The following ATXN1 variants were observed in gnomAD, a reference collection of about 807,000 sequenced individuals.
The protein encoded by ATXN1 is ataxin 1.
ATXN1 carries 8 observed loss-of-function variants against 56.4 expected under a neutral mutation model. The observed-to-expected ratio is 0.14, with a 90% CI of 0.08 to 0.26. The LOEUF (loss-of-function observed/expected upper bound fraction) is 0.26, where lower values mean the gene tolerates loss of function less well. ATXN1 is among the 10% of genes least tolerant of loss of function. The pLI, the probability that ATXN1 is intolerant of heterozygous loss-of-function variation, is 1.00. For missense variants in ATXN1, 987 were observed against 1,106.5 expected, an observed-to-expected ratio of 0.89 and a Z score of 1.53; for synonymous variants, 514 against 494.6, an observed-to-expected ratio of 1.04 and a Z score of -0.52.
chr6:16,425,322 C>T lies in ATXN1; in HGVS notation c.-161+60650G>A, dbSNP rs369675593. ...ACCAGGCACTTGTATTCCTCACCCA[C>T]GTGTATTACTTTAAAATGCCTTTCG... On this transcript the variant is annotated intron_variant, in intron 6 of 7. Transcript: ENST00000436367. Among the ~76,000 whole-genome samples, 7 of 152,350 alleles carry T rather than the reference C, an allele frequency of 4.6e-5. No homozygotes were observed. The East Asian group carries it at 7.7e-4, about 17-fold the overall frequency.
intron 2 of ATXN1, among the ~76,000 whole-genome samples, chr6:16,686,960 T>C (rs1581364980): frequency 1.3e-5 from 2 of 152,180 alleles, no homozygotes; most frequent in Non-Finnish European, 2.9e-5. Context: ...TTCCATCTAG[T>C]GTTTACAATG....
chr6:16,687,547 G>C (rs558225482), intron 2 of ATXN1, among the ~76,000 whole-genome samples: 1 of 151,858 alleles, frequency 6.6e-6, no homozygotes, highest in South Asian at 2.1e-4. Flanking sequence ...ATTAAACTCA[G>C]AGTTGTAGAA....
chr6:16,701,142 A>T (rs982083051), intron 2 of ATXN1, among the ~76,000 whole-genome samples: 10 of 152,212 alleles, frequency 6.6e-5, no homozygotes, highest in Non-Finnish European at 7.3e-5. Flanking sequence ...AGATGCCATT[A>T]AAAAAGTTTA....
At chr6:16,323,741 GA>G (rs1760738792) in intron 7 of ATXN1, among the ~76,000 whole-genome samples, 2 of 152,004 alleles carry the variant, frequency 1.3e-5, no homozygotes, top group Admixed American at 6.6e-5. Flanking sequence ...TAAGTACCAT[GA>G]AAAGCAATGA....
chr6:16,605,829 GCCAAGATAACGATACTGA>G (rs1762994670), intron 3 of ATXN1, among the ~76,000 whole-genome samples: 1 of 152,046 alleles, frequency 6.6e-6, no homozygotes, highest in Non-Finnish European at 1.5e-5. Context: ...CCGTAAAATG[GCCAAGATAACGATACTGA>G]CCAGGTGTAG....
At chr6:16,606,275 T>TA (rs1763003138) in intron 3 of ATXN1, among the ~76,000 whole-genome samples, 3 of 152,212 alleles carry the variant, frequency 2.0e-5, no homozygotes, top group Non-Finnish European at 4.4e-5. Context: ...AAATATTTCT[T>TA]TACTATGTCT....
intron 6 of ATXN1, among the ~76,000 whole-genome samples, chr6:16,330,703 T>C (rs910057632): frequency 6.6e-6 from 1 of 152,138 alleles, no homozygotes; most frequent in Non-Finnish European, 1.5e-5. Flanking sequence ...AATGATTTAA[T>C]GGCCCTTATT....
intron 6 of ATXN1, among the ~76,000 whole-genome samples, chr6:16,423,215 G>C (rs1020733520): frequency 1.3e-5 from 2 of 152,148 alleles, no homozygotes; most frequent in Non-Finnish European, 2.9e-5. Context: ...TTTTGCATCA[G>C]GCTGTTTTTC....
chr6:16,549,939 C>A (rs1295787355), intron 4 of ATXN1, among the ~76,000 whole-genome samples: 3 of 141,454 alleles, frequency 2.1e-5, no homozygotes, highest in Non-Finnish European at 4.6e-5. Flanking sequence ...GCCATTCTCA[C>A]TCATAAGTGG....
At chr6:16,602,990 A>G (rs1662477453) in intron 3 of ATXN1, among the ~76,000 whole-genome samples, 1 of 152,216 alleles carries the variant, frequency 6.6e-6, no homozygotes, top group Non-Finnish European at 1.5e-5. Flanking sequence ...AATGATATAA[A>G]GTGATTGGCC....
chr6:16,672,636 T>C (rs549209446), intron 2 of ATXN1, among the ~76,000 whole-genome samples: 12 of 152,246 alleles, frequency 7.9e-5, no homozygotes. Flanking sequence ...GATTCAACTA[T>C]GGAAACACAG....
At chr6:16,425,120 T>A (rs1759122760) in intron 6 of ATXN1, among the ~76,000 whole-genome samples, 2 of 152,340 alleles carry the variant, frequency 1.3e-5, no homozygotes, top group South Asian at 4.1e-4. Context: ...ATCTCTTAGT[T>A]CTTTCATATT....
At chr6:16,485,938 C>T (rs1412571593) in intron 6 of ATXN1, 34 bp downstream of exon 6, 2 of 152,196 alleles carry the variant, frequency 1.3e-5, no homozygotes, top group Non-Finnish European at 2.9e-5. Flanking sequence ...ACAAGGCAAG[C>T]CACTACACAT....
chr6:16,581,469 A>C (rs1762529703), intron 4 of ATXN1, among the ~76,000 whole-genome samples: 1 of 152,116 alleles, frequency 6.6e-6, no homozygotes, highest in African/African-American at 2.4e-5. Context: ...GTCAAGGCCT[A>C]AGGAGATAAA....
chr6:16,691,215 C>A (rs753421846), intron 2 of ATXN1, among the ~76,000 whole-genome samples: 2 of 152,178 alleles, frequency 1.3e-5, no homozygotes, highest in Admixed American at 6.5e-5. Flanking sequence ...TTATCATTGT[C>A]ATCATCGTGT....
At chr6:16,385,750 A>G (rs192464531) in intron 6 of ATXN1, among the ~76,000 whole-genome samples, 44 of 152,332 alleles carry the variant, frequency 2.9e-4, no homozygotes, top group African/African-American at 9.4e-4. Context: ...AACTTTCTCT[A>G]TCTAACATAT....
At chr6:16,336,397 T>C (rs1473715678) in intron 6 of ATXN1, among the ~76,000 whole-genome samples, 2 of 152,152 alleles carry the variant, frequency 1.3e-5, no homozygotes, top group African/African-American at 2.4e-5. Context: ...AATCAAGAAC[T>C]GCAGCTGGTG....
chr6:16,440,236 A>T (rs1200529817), intron 6 of ATXN1, among the ~76,000 whole-genome samples: 1 of 152,028 alleles, frequency 6.6e-6, no homozygotes, highest in Non-Finnish European at 1.5e-5. Flanking sequence ...AAAATTAGCC[A>T]GGCGTGGTGG....
At chr6:16,581,195 CTGTGTGTGTG>C (rs60028007) in intron 4 of ATXN1, among the ~76,000 whole-genome samples, 9,004 of 140,184 alleles carry the variant, frequency 0.064, 921 homozygotes, top group African/African-American at 0.22. Context: ...CGAGAATGCA[CTGTGTGTGTG>C]TGTGTGTGTG....
Sources: allele counts gnomAD v4.1 joint callset (sites outside exome capture counted in the v4.1 genomes callset), GRCh38; gene constraint gnomAD v4.1.1; transcripts MANE v1.5; gene names NCBI Gene and HGNC (gene_info 2026-07-23, HGNC 2026-07-21).